Variants in FPGS observed in about 807,000 individuals in gnomAD.
FPGS encodes folylpolyglutamate synthase.
A neutral mutation model predicts 66.5 loss-of-function variants in FPGS; 53 were observed. The ratio of observed to expected loss-of-function variants is 0.80; its 90% CI spans 0.64 to 1.00. The LOEUF (loss-of-function observed/expected upper bound fraction) is 1.00, where lower values mean the gene tolerates loss of function less well. FPGS is among the 50% of genes least tolerant of loss of function. The pLI, the probability that FPGS is intolerant of heterozygous loss-of-function variation, is 0.00. For missense variants in FPGS, 702 were observed against 807.7 expected, an observed-to-expected ratio of 0.87 and a Z score of 1.59; for synonymous variants, 348 against 350.9, an observed-to-expected ratio of 0.99 and a Z score of 0.09.
rs1405367400 is a variant in FPGS, at chr9:127,803,079, C to T, written c.138+17C>T. 4 of 1,372,498 alleles carry T rather than the reference C, an allele frequency of 2.9e-6. No homozygotes were observed. The highest frequency in any genetic ancestry group is 3.7e-6 in the Non-Finnish European group (4 of 1,068,876). 85.0% of individuals were successfully genotyped at this position (1,372,498 alleles called of 1,614,324 possible). A position where few individuals can be genotyped will look rare whatever the true frequency, so the allele number is the denominator to read the frequency against. ...GAGTACCAGGTATCAGGCGGGCCAG[C>T]GGGCCAGCGGGCCTGGGCGCGACGA... On this transcript the variant is annotated intron_variant, in intron 1 of 14. Transcript: ENST00000373247.
At chr9:127,812,350 C>T (rs1271412498) in intron 14 of FPGS, among the ~76,000 whole-genome samples, 2 of 145,130 alleles carry the variant, frequency 1.4e-5, no homozygotes, top group Admixed American at 1.4e-4. Flanking sequence ...TTGAGACAGT[C>T]TCGTTCTGTC....
chr9:127,804,552 G>T lies in FPGS; in HGVS notation c.321G>T (p.Lys107Asn). 6.2e-7 allele frequency: 1 copy of T among 1,614,202 alleles called. No individual in the cohort carries two copies. The highest frequency in any genetic ancestry group is 8.5e-7 in the Non-Finnish European group (1 of 1,180,022). ...NIIHVTGTKG[K>N]GSTCAFTECI... is the part of the protein sequence containing the mutation. ...TCCACGTCACTGGGACGAAGGGGAA[G>T]GTGAGGGGCAGGACCCTGGGGTAGG... The change falls in exon 3 of 15, where the codon AAG becomes AAT. Residue 107 changes from lysine to asparagine, a missense_variant and splice_region_variant. This residue lies in a region of FPGS where 240 missense variants were observed against 348.6 expected (regional missense o/e 0.69). Transcript: ENST00000373247.
At chr9:127,810,655 T>A (rs1830035215) in intron 13 of FPGS, among the ~76,000 whole-genome samples, 1 of 152,080 alleles carries the variant, frequency 6.6e-6, no homozygotes, top group African/African-American at 2.4e-5. Context: ...CAGCCTGGAT[T>A]TGGGGCCCCC....
rs1324651262 is a variant in FPGS, at chr9:127,809,860, C to T, written c.1211+26C>T. 2.0e-5 allele frequency: 25 copies of T among 1,250,302 alleles called. No individual in the cohort carries two copies. In the East Asian group the frequency reaches 5.2e-4, roughly 26 times the overall value. 77.5% of individuals were successfully genotyped at this position (1,250,302 alleles called of 1,614,324 possible). A position where few individuals can be genotyped will look rare whatever the true frequency, so the allele number is the denominator to read the frequency against. The stretch of plus-strand genomic sequence containing the variant: ...GTGAGGGGCAGGGCTGGGGGTGGGG[C>T]CGGGGCTGGCCCACGAGGAGGGGCG... On this transcript the variant is annotated intron_variant, in intron 12 of 14. Coordinates refer to ENST00000373247, the MANE Select transcript of FPGS (RefSeq NM_004957.6).
chr9:127,803,046 C>G lies in FPGS; in HGVS notation c.122C>G (p.Pro41Arg), dbSNP rs1469348583. 1.4e-6 allele frequency: 2 copies of G among 1,432,368 alleles called. No individual in the cohort carries two copies. The highest frequency in any genetic ancestry group is 2.9e-5 in the South Asian group (2 of 69,818). The allele number at this position is 1,432,368 out of a possible 1,614,324, so 88.7% of individuals were successfully genotyped here. Reference sequence around the variant, plus strand: ...AGCGCGTGGCCGGTGCCGCAGGAGCCGAGCATGGAGTACCAGGTATCAGGC... The same window carrying G: ...AGCGCGTGGCCGGTGCCGCAGGAGCGGAGCATGGAGTACCAGGTATCAGGC... ...GLSAWPVPQEPSMEYQDAVRM... is the reference protein window; with the variant it reads ...GLSAWPVPQERSMEYQDAVRM... The change falls in exon 1 of 15, where the codon CCG becomes CGG. Residue 41 changes from proline to arginine, a missense_variant. By Grantham distance (103) the Pro-to-Arg change is moderately radical. Coordinates refer to ENST00000373247, the MANE Select transcript of FPGS (RefSeq NM_004957.6).
At position 127,803,048 on chromosome 9, in the gene FPGS, A is replaced by C; in HGVS notation, c.124A>C (p.Ser42Arg). 2.1e-6 allele frequency: 3 copies of C among 1,429,568 alleles called. No individual in the cohort carries two copies. The highest frequency in any genetic ancestry group is 2.7e-6 in the Non-Finnish European group (3 of 1,100,236). The allele number at this position is 1,429,568 out of a possible 1,614,324, so 88.6% of individuals were successfully genotyped here. ...CGCGTGGCCGGTGCCGCAGGAGCCG[A>C]GCATGGAGTACCAGGTATCAGGCGG... ...LSAWPVPQEP[S>R]MEYQDAVRML... is the part of the protein sequence containing the mutation. Residue 42 changes from serine (S) to arginine (R), a missense_variant, in exon 1 of 15, where the codon AGC becomes CGC. Physicochemically the swap from Ser to Arg is moderately radical, Grantham distance 110. Transcript: ENST00000373247.
At position 127,813,432 on chromosome 9, in the gene FPGS, G is replaced by A. The variant is rs1400599916; in HGVS notation, c.1592G>A (p.Arg531Gln). 12 of 1,610,648 alleles carry A rather than the reference G, an allele frequency of 7.5e-6. 1 individual carries two copies. Among genetic ancestry groups the A allele is most frequent in the South Asian group, 2.2e-5 (2 of 90,678 alleles). ...SHALQWISQG[R>Q]DPIFQPPSPP... Reference sequence around the variant, plus strand: ...GCCTTGCAATGGATCAGCCAAGGCCGAGACCCCATCTTCCAGCCACCTAGT... The same window carrying A: ...GCCTTGCAATGGATCAGCCAAGGCCAAGACCCCATCTTCCAGCCACCTAGT... The change falls in exon 15 of 15, where the codon CGA becomes CAA. Residue 531 changes from arginine (R) to glutamine (Q), a missense_variant. Arg to Gln is a conservative substitution (Grantham distance 43, BLOSUM62 1). Transcript: ENST00000373247.
At position 127,813,359 on chromosome 9, in the gene FPGS, C is replaced by G. The variant is rs1588567478; in HGVS notation, c.1519C>G (p.Pro507Ala). The G allele has an allele frequency of 6.2e-7, 1 of 1,612,636 alleles. No homozygotes were observed. The change falls in exon 15 of 15, where the codon CCC becomes GCC. Residue 507 changes from proline (P) to alanine (A), a missense_variant. Pro to Ala is a conservative substitution (Grantham distance 27). This residue lies in a region of FPGS where 351 missense variants were observed against 363.7 expected (regional missense o/e 0.97). Transcript: ENST00000373247. ...SASLLLAPHPPHTCSASSLVF... is the reference protein window; with the variant it reads ...SASLLLAPHPAHTCSASSLVF... ...ATCCCTGCTTCTGGCGCCCCACCCA[C>G]CCCACACCTGCAGTGCCAGCTCCCT...
chr9:127,805,658 A>C (rs116949171), intron 4 of FPGS, among the ~76,000 whole-genome samples: 1 of 152,230 alleles, frequency 6.6e-6, no homozygotes, highest in South Asian at 2.1e-4. Flanking sequence ...AAAATCACAT[A>C]GAGATATTTA....
rs1588558094 is a variant in FPGS, at chr9:127,808,803, C to G, written c.974C>G (p.Ala325Gly). Residue 325 changes from alanine (A) to glycine (G), a missense_variant, in exon 11 of 15, where the codon GCT becomes GGT. Physicochemically the swap from Ala to Gly is moderately conservative, Grantham distance 60. Transcript: ENST00000373247. ...CWLQRQDRHG[A>G]GEPKASRPGL... is the part of the protein sequence containing the mutation. ...CTTGGTCTCACACACCCCGCAGGTG[C>G]TGGGGAGCCAAAGGCATCCAGGCCA... is the stretch of plus-strand genomic sequence containing the variant. 1.3e-6 allele frequency: 2 copies of G among 1,558,362 alleles called. No homozygotes were observed. Among genetic ancestry groups the G allele is most frequent in the African/African-American group, 2.7e-5 (2 of 73,496 alleles).
Position 127,807,248 on chromosome 9 carries a change from C to T in FPGS, c.541C>T (p.Leu181=). Residue 181 remains leucine, a synonymous_variant, in exon 6 of 15, where the codon CTG becomes TTG. Transcript: ENST00000373247. The surrounding 1 kb of genome is among the most constrained non-coding windows in gnomAD (Gnocchi z 5.8). ...CVSMPPYFRF[L]TLMAFHVFLQ... Reference sequence around the variant, plus strand: ...CTCCATGCCCCCCTACTTCCGCTTCCTGACACTCATGGCCTTCCACGTCTT... The same window carrying T: ...CTCCATGCCCCCCTACTTCCGCTTCTTGACACTCATGGCCTTCCACGTCTT... The T allele has an allele frequency of 6.2e-7, 1 of 1,614,184 alleles. No individual in the cohort carries two copies. Among genetic ancestry groups the T allele is most frequent in the Non-Finnish European group, 8.5e-7 (1 of 1,180,022 alleles).
chr9:127,813,017 G>A (rs1182093397), intron 14 of FPGS, among the ~76,000 whole-genome samples, 178 bp from the exon 15 acceptor site: 1 of 152,202 alleles, frequency 6.6e-6, no homozygotes, highest in Non-Finnish European at 1.5e-5. Context: ...CACTGAACCT[G>A]CCTGAGCCTC....
At chr9:127,811,784 C>T (rs1830091839) in intron 14 of FPGS, among the ~76,000 whole-genome samples, 1 of 152,080 alleles carries the variant, frequency 6.6e-6, no homozygotes. Flanking sequence ...CCACGCCCAG[C>T]CAGCATTTTT....
At position 127,809,800 on chromosome 9, in the gene FPGS, C is replaced by T; in HGVS notation, c.1177C>T (p.Arg393Cys). The T allele has an allele frequency of 4.0e-6, 6 of 1,514,326 alleles. No homozygotes were observed. The highest frequency in any genetic ancestry group is 5.2e-6 in the Non-Finnish European group (6 of 1,143,938). The allele number at this position is 1,514,326 out of a possible 1,614,324, so 93.8% of individuals were successfully genotyped here. Residue 393 changes from arginine to cysteine, a missense_variant, in exon 12 of 15, where the codon CGC becomes TGC. Coordinates refer to ENST00000373247, the MANE Select transcript of FPGS (RefSeq NM_004957.6). ...CGCGCAGGCCTGCGTGCGCTGGTTC[C>T]GCCAGGCGCTGCAGGGCCGCGAGAG... ...SSAQACVRWF[R>C]QALQGRERPS... is the part of the protein sequence containing the mutation.
At position 127,813,207 on chromosome 9, in the gene FPGS, TCA is replaced by T. The variant is rs1432854944; in HGVS notation, c.1370_1371del (p.Thr457SerfsTer82). Reference sequence around the variant, plus strand: ...CTGTGCCCCACAGACCAACAGAACTTCACAGTGACACTGGACCAGGTCCTGCT... The same window carrying T: ...CTGTGCCCCACAGACCAACAGAACTTCAGTGACACTGGACCAGGTCCTGCT... On this transcript the variant is annotated frameshift_variant, in exon 15 of 15. Coordinates refer to ENST00000373247, the MANE Select transcript of FPGS (RefSeq NM_004957.6). LOFTEE classifies it low-confidence loss of function (END_TRUNC). 7 of 1,582,882 alleles carry T rather than the reference TCA, an allele frequency of 4.4e-6. No individual in the cohort carries two copies. Among genetic ancestry groups the T allele is most frequent in the Non-Finnish European group, 6.0e-6 (7 of 1,161,200 alleles).
In FPGS at chr9:127,810,951, C is replaced by T; in HGVS notation, c.1294C>T (p.Gln432Ter). 6.3e-7 allele frequency: 1 copy of T among 1,578,278 alleles called. No individual in the cohort carries two copies. The highest frequency in any genetic ancestry group is 1.2e-5 in the South Asian group (1 of 86,146). Residue 432 changes from glutamine (Q) to a stop codon, truncating the protein, a stop_gained, in exon 14 of 15, where the codon CAG becomes TAG. Transcript: ENST00000373247. LOFTEE classifies it high-confidence loss of function. ...CTTTCCCTTGGCCTTCTAGCCCTGC[C>T]AGTTTGACTATGCCGTCTTCTGCCC... ...AALLKLLQPCQFDYAVFCPNL... is the reference protein window; with the variant it reads ...AALLKLLQPC
Position 127,803,005 on chromosome 9 carries a change from G to C in FPGS, c.81G>C (p.Ala27=). Reference sequence around the variant, plus strand: ...CGCGCGGCATAACGACCCAGGTCGCGGCGCGGCGGGGCTTGAGCGCGTGGC... The same window carrying C: ...CGCGCGGCATAACGACCCAGGTCGCCGCGCGGCGGGGCTTGAGCGCGTGGC... ...ASARGITTQV[A]ARRGLSAWPV... is the part of the protein sequence containing the mutation. Residue 27 remains alanine (A), a synonymous_variant, in exon 1 of 15, where the codon GCG becomes GCC. Transcript: ENST00000373247. The C allele has an allele frequency of 1.4e-6, 2 of 1,465,716 alleles. No homozygotes were observed. The highest frequency in any genetic ancestry group is 8.9e-7 in the Non-Finnish European group (1 of 1,117,324). The allele number at this position is 1,465,716 out of a possible 1,614,324, so 90.8% of individuals were successfully genotyped here.
intron 4 of FPGS, chr9:127,806,489 G>A (rs1309637439): frequency 1.8e-5 from 3 of 170,370 alleles, no homozygotes; most frequent in Non-Finnish European, 3.9e-5. Context: ...CTAGGCGACA[G>A]AACAAGACCC....
intron 9 of FPGS, 71 bp downstream of exon 9, chr9:127,808,382 C>T: frequency 6.7e-7 from 1 of 1,492,810 alleles, no homozygotes; most frequent in Non-Finnish European, 9.3e-7. Context: ...GCACTGCATC[C>T]TCTGGGGCCT....
Sources: gnomAD v4.1 joint callset for allele counts (sites outside exome capture counted in the v4.1 genomes callset) on GRCh38, gnomAD v4.1.1 for gene constraint, gnomAD v4.1.1 regional missense constraint, Gnocchi (gnomAD v3.1) non-coding constraint, MANE v1.5 for transcripts, NCBI Gene and HGNC (gene_info 2026-07-23, HGNC 2026-07-21) for gene names.